The following MBNL1 variants were observed in gnomAD, a reference collection of about 807,000 sequenced individuals.
MBNL1 encodes the protein muscleblind-like protein 1.
In MBNL1, 8 loss-of-function variants were observed where a neutral mutation model predicts 42.2. The observed-to-expected ratio is 0.19, with a 90% CI of 0.11 to 0.34. The LOEUF is 0.34. Ranked by LOEUF, MBNL1 falls within the 10% of genes least tolerant of loss-of-function variation. The pLI is 1.00. For synonymous variants in MBNL1, 169 were observed against 173.9 expected (o/e 0.97, Z 0.22); for missense variants, 309 against 495.3 (o/e 0.62, Z 3.57).
In MBNL1 at chr3:152,244,545, A is replaced by T. The variant is rs557072740; in HGVS notation, n.333+105A>T. The T allele has an allele frequency of 1.4e-3, 210 of 152,182 alleles. 2 individuals are homozygous for T. Among genetic ancestry groups the T allele is most frequent in the African/African-American group, 4.6e-3 (189 of 41,528 alleles). The allele number at this position is 152,182 out of a possible 1,614,324, so 9.4% of individuals were successfully genotyped here. A position where few individuals can be genotyped will look rare whatever the true frequency, so the allele number is the denominator to read the frequency against. ...TTACAGTGTAGATTAGATAAACCTG[A>T]TAACTCTTTCAAGTAAGTAACCGAC... is the stretch of plus-strand genomic sequence containing the variant. On this transcript the variant is annotated intron_variant and non_coding_transcript_variant, in intron 2 of 2. Coordinates refer to the MBNL1 transcript ENST00000477171.
chr3:152,280,091 T>A (rs1488400693), intron 1 of MBNL1, among the ~76,000 whole-genome samples: 1 of 152,166 alleles, frequency 6.6e-6, no homozygotes, highest in African/African-American at 2.4e-5. Flanking sequence ...AAAGAAAGCA[T>A]CCTTAATAGC....
intron 2 of MBNL1, among the ~76,000 whole-genome samples, chr3:152,384,462 T>G (rs1234135607): frequency 6.6e-6 from 1 of 152,154 alleles, no homozygotes; most frequent in Non-Finnish European, 1.5e-5. Context: ...AAGTTACATT[T>G]GTAAAAAATC....
At chr3:152,279,013 A>G (rs2150233415) in intron 1 of MBNL1, among the ~76,000 whole-genome samples, 1 of 152,258 alleles carries the variant, frequency 6.6e-6, no homozygotes, top group South Asian at 2.1e-4. Context: ...CTGAATGGCA[A>G]GGGAATGCTG....
chr3:152,362,867 T>A (rs549730000), intron 2 of MBNL1, among the ~76,000 whole-genome samples: 8 of 152,172 alleles, frequency 5.3e-5, no homozygotes, highest in Admixed American at 5.2e-4. Context: ...TCTGTACTTG[T>A]AGAGATATAG....
intron 2 of MBNL1, chr3:152,338,768 C>A: frequency 2.3e-6 from 2 of 866,060 alleles, no homozygotes; most frequent in Non-Finnish European, 2.8e-6. Flanking sequence ...AAAGAATGTC[C>A]TTGGGAAACT....
At chr3:152,316,133 T>G (rs1305266169) in intron 2 of MBNL1, among the ~76,000 whole-genome samples, 4 of 152,208 alleles carry the variant, frequency 2.6e-5, no homozygotes, top group African/African-American at 9.6e-5. Flanking sequence ...TTTCAGGGCT[T>G]TTGATCTGTA....
chr3:152,362,977 G>T (rs188116564), intron 2 of MBNL1, among the ~76,000 whole-genome samples: 2 of 152,234 alleles, frequency 1.3e-5, no homozygotes, highest in Admixed American at 6.5e-5. Flanking sequence ...TAATGTGTGT[G>T]TGAAGTTTCC....
intron 1 of MBNL1, among the ~76,000 whole-genome samples, chr3:152,285,629 A>ATTTT (rs35445762): frequency 3.1e-5 from 4 of 129,010 alleles, no homozygotes; most frequent in East Asian, 2.2e-4. Flanking sequence ...TTTTTTTTCA[A>ATTTT]TTTTTTTTTT....
At chr3:152,278,761 C>A (rs2046724065) in intron 1 of MBNL1, among the ~76,000 whole-genome samples, 1 of 152,080 alleles carries the variant, frequency 6.6e-6, no homozygotes, top group Non-Finnish European at 1.5e-5. Flanking sequence ...ATGAATTCAT[C>A]TTTTGTGTTT....
intron 4 of MBNL1, among the ~76,000 whole-genome samples, chr3:152,434,809 A>T (rs1034594190): frequency 5.3e-5 from 8 of 151,826 alleles, no homozygotes; most frequent in African/African-American, 1.7e-4. Context: ...GATAATGGGA[A>T]TTTTTCATAT....
chr3:152,451,243 AG>A (rs1171056151), intron 6 of MBNL1, among the ~76,000 whole-genome samples: 1 of 152,190 alleles, frequency 6.6e-6, no homozygotes, highest in African/African-American at 2.4e-5. Context: ...CGTATAGAGT[AG>A]TTTGCTGGCA....
intron 2 of MBNL1, among the ~76,000 whole-genome samples, chr3:152,372,592 C>A (rs754349868): frequency 2.0e-5 from 3 of 152,226 alleles, no homozygotes; most frequent in African/African-American, 4.8e-5. Flanking sequence ...TGGAGGTCCA[C>A]TCCAGACCCT....
intron 2 of MBNL1, among the ~76,000 whole-genome samples, chr3:152,353,482 T>A (rs928094651): frequency 2.0e-5 from 3 of 152,128 alleles, no homozygotes; most frequent in Admixed American, 1.3e-4. Flanking sequence ...AGGTGATTTG[T>A]CTCCTTTTTT....
At position 152,301,360 on chromosome 3, in the gene MBNL1, T is replaced by C. The variant is rs2060652973; in HGVS notation, c.174+993T>C. 2.0e-5 allele frequency among the ~76,000 whole-genome samples: 3 copies of C among 152,246 alleles called. No individual in the cohort carries two copies. In the South Asian group the frequency reaches 6.2e-4, roughly 31 times the overall value. On this transcript the variant is annotated intron_variant, in intron 2 of 9. Transcript: ENST00000324210. ...ATATGAATGTCCTAATTTAATTCTTTGGACCTTTGAGGGGAGGACACTATC... is the reference window on the plus strand; with the variant it reads ...ATATGAATGTCCTAATTTAATTCTTCGGACCTTTGAGGGGAGGACACTATC...
At chr3:152,398,852 TTATTACAGATG>T (rs1435962853) in intron 2 of MBNL1, among the ~76,000 whole-genome samples, 1 of 152,212 alleles carries the variant, frequency 6.6e-6, no homozygotes, top group Non-Finnish European at 1.5e-5. Context: ...CCTGCTGCTC[TTATTACAGATG>T]TATTACTTGT....
intron 2 of MBNL1, among the ~76,000 whole-genome samples, chr3:152,313,325 C>T (rs1482706554): frequency 6.6e-6 from 1 of 151,968 alleles, no homozygotes; most frequent in East Asian, 1.9e-4. Flanking sequence ...GCCCGGCCAA[C>T]ATTTTATTTT....
chr3:152,377,744 T>C (rs2096973676), intron 2 of MBNL1, among the ~76,000 whole-genome samples: 1 of 152,222 alleles, frequency 6.6e-6, no homozygotes, highest in Non-Finnish European at 1.5e-5. Context: ...GTGACCTAAA[T>C]TTGATCTATG....
intron 2 of MBNL1, among the ~76,000 whole-genome samples, chr3:152,352,946 G>A (rs986494878): frequency 1.3e-5 from 2 of 152,192 alleles, no homozygotes; most frequent in African/African-American, 2.4e-5. Context: ...CTTGGATTAT[G>A]TAGTACGTTA....
At chr3:152,273,214 G>A (rs934830164) in intron 1 of MBNL1, among the ~76,000 whole-genome samples, 1 of 152,138 alleles carries the variant, frequency 6.6e-6, no homozygotes, top group Non-Finnish European at 1.5e-5. Flanking sequence ...GCAAGGCAGA[G>A]GATTCAAGAA....
Sources: gnomAD v4.1 joint callset for allele counts (sites outside exome capture counted in the v4.1 genomes callset) on GRCh38, gnomAD v4.1.1 for gene constraint, MANE v1.5 for transcripts, NCBI Gene and HGNC (gene_info 2026-07-23, HGNC 2026-07-21) for gene names.